Variants in MGA observed in about 807,000 individuals in gnomAD.
MGA encodes MAX gene-associated protein.
A neutral mutation model predicts 261.1 loss-of-function variants in MGA; 40 were observed. The ratio of observed to expected loss-of-function variants is 0.15; its 90% CI spans 0.12 to 0.20. MGA has a LOEUF of 0.20. MGA is among the 10% of genes least tolerant of loss of function. The probability of loss-of-function intolerance (pLI) is 1.00; values close to 1 mark genes in which losing one functional copy is unlikely to be tolerated. For synonymous variants in MGA, 1,302 were observed against 1,290.6 expected, an observed-to-expected ratio of 1.01 and a Z score of -0.19; for missense variants, 3,397 against 3,630.5, an observed-to-expected ratio of 0.94 and a Z score of 1.65.
intron 3 of MGA, among the ~76,000 whole-genome samples, chr15:41,698,007 T>A (rs183516969): frequency 6.8e-4 from 104 of 152,088 alleles, no homozygotes; most frequent in Non-Finnish European, 1.3e-3. Flanking sequence ...TAGCTGGGAC[T>A]ACAGGTGCTC....
rs140317259 is a variant in MGA at position 41,697,976 on chromosome 15, C to T, written c.2014-887C>T. ...CTCCGCCTCCTGTGTTCTTGCCATT[C>T]CCCTGCCTCAGACTCCCGAGTAGCT... On this transcript the variant is annotated intron_variant, in intron 3 of 23. Coordinates refer to ENST00000219905, the MANE Select transcript of MGA (RefSeq NM_001164273.2). Among the ~76,000 whole-genome samples the T allele has an allele frequency of 8.2e-3, 1,242 of 152,128 alleles. 14 individuals are homozygous for T. Among genetic ancestry groups the T allele is most frequent in the Non-Finnish European group, 0.014 (955 of 67,982 alleles).
chr15:41,700,041 G>GT (rs763919635), intron 5 of MGA, among the ~76,000 whole-genome samples: 2,796 of 101,508 alleles, frequency 0.028, 65 homozygotes, highest in Non-Finnish European at 0.029. Flanking sequence ...TGTCATCGAG[G>GT]TTTTTTTTTT....
chr15:41,625,647 A>G (rs1470247857), intron 1 of MGA, among the ~76,000 whole-genome samples: 2 of 152,104 alleles, frequency 1.3e-5, no homozygotes, highest in Admixed American at 1.3e-4. Context: ...CCAGAAGGTC[A>G]AGGCTACAGT....
rs530924623 is a variant in MGA at position 41,767,957 on chromosome 15, A to G, written c.*677A>G. The G allele has an allele frequency of 6.6e-6, 1 of 152,504 alleles. No individual in the cohort carries two copies. Among genetic ancestry groups the G allele is most frequent in the Non-Finnish European group, 1.5e-5 (1 of 68,048 alleles). The allele number at this position is 152,504 out of a possible 1,614,324, so 9.4% of individuals were successfully genotyped here. A position where few individuals can be genotyped will look rare whatever the true frequency, so the allele number is the denominator to read the frequency against. On this transcript the variant is annotated 3_prime_UTR_variant, in exon 24 of 24. Coordinates refer to ENST00000219905, the MANE Select transcript of MGA (RefSeq NM_001164273.2). Reference sequence around the variant, plus strand: ...AATTATTTTGAGATCTTAAAAAAATAGTAGTTCTCCCTTATTATTTTTGTG... The same window carrying G: ...AATTATTTTGAGATCTTAAAAAAATGGTAGTTCTCCCTTATTATTTTTGTG...
rs1035349894 is a variant in MGA at position 41,727,321 on chromosome 15, C to T, written c.3572C>T (p.Pro1191Leu). Reference sequence around the variant, plus strand: ...ATGAAACCATTGTTATTGCCTCAGCCAGAAGTTTTATCTCCTACTGTGAAG... The same window carrying T: ...ATGAAACCATTGTTATTGCCTCAGCTAGAAGTTTTATCTCCTACTGTGAAG... The change falls in exon 10 of 24, where the codon CCA becomes CTA. Residue 1191 changes from proline to leucine, a missense_variant. Physicochemically the swap from Pro to Leu is moderately conservative, Grantham distance 98. Around this residue, in one of 9 missense-constraint regions of MGA, gnomAD observed 519 missense variants for 554.1 expected, o/e 0.94. Coordinates refer to ENST00000219905, the MANE Select transcript of MGA (RefSeq NM_001164273.2). The T allele has an allele frequency of 6.2e-7, 1 of 1,613,948 alleles. No homozygotes were observed. The highest frequency in any genetic ancestry group is 8.5e-7 in the Non-Finnish European group (1 of 1,179,882).
chr15:41,762,965 C>A (rs929524583), intron 22 of MGA, among the ~76,000 whole-genome samples: 1 of 151,956 alleles, frequency 6.6e-6, no homozygotes, highest in African/African-American at 2.4e-5. Flanking sequence ...CAGACTTATA[C>A]TTGACTTCGT....
Position 41,752,934 on chromosome 15 carries a change from T to C in MGA, c.7009-1503T>C, listed in dbSNP as rs73407262. On this transcript the variant is annotated intron_variant, in intron 17 of 23. Coordinates refer to ENST00000219905, the MANE Select transcript of MGA (RefSeq NM_001164273.2). ...AATTTGACAAGCAAACAAGTTATAC[T>C]GACTTTTTTTTTAAAGGTCATATTA... 7.4e-3 allele frequency among the ~76,000 whole-genome samples: 1,123 copies of C among 152,342 alleles called. 18 individuals are homozygous for C. Among genetic ancestry groups the C allele is most frequent in the African/African-American group, 0.026 (1,082 of 41,560 alleles).
chr15:41,756,673 T>C (rs899621817), intron 18 of MGA, among the ~76,000 whole-genome samples: 1 of 152,246 alleles, frequency 6.6e-6, no homozygotes, highest in African/African-American at 2.4e-5. Flanking sequence ...CATTGTGGAA[T>C]ACTATATAAC....
chr15:41,656,193 A>G (rs181947800), upstream of MGA, among the ~76,000 whole-genome samples: 2 of 152,134 alleles, frequency 1.3e-5, no homozygotes, highest in Non-Finnish European at 1.5e-5. Flanking sequence ...AAGAAAATAC[A>G]TTTAAACTTA....
At chr15:41,738,553 T>C (rs929057771) in intron 13 of MGA, among the ~76,000 whole-genome samples, 3 of 152,224 alleles carry the variant, frequency 2.0e-5, no homozygotes, top group Non-Finnish European at 4.4e-5. Flanking sequence ...GATTGACACT[T>C]TGAAAACAGA....
intron 11 of MGA, among the ~76,000 whole-genome samples, chr15:41,731,729 C>G (rs906916369): frequency 6.6e-6 from 1 of 152,178 alleles, no homozygotes; most frequent in East Asian, 1.9e-4. Flanking sequence ...TAATTATACA[C>G]TATGCCATTT....
chr15:41,714,088 A>G (rs1486147737), intron 9 of MGA, among the ~76,000 whole-genome samples: 1 of 152,184 alleles, frequency 6.6e-6, no homozygotes, highest in African/African-American at 2.4e-5. Flanking sequence ...TTTTGTTCAA[A>G]TGTATTGAAA....
chr15:41,760,478 A>G lies in MGA; in HGVS notation c.7347A>G (p.Thr2449=). Residue 2449 remains threonine (T), a synonymous_variant, in exon 20 of 24, where the codon ACA becomes ACG. Transcript: ENST00000219905. ...ATCTCTTTGAGAAATTAAAGATCAC[A>G]TTGGGATTACTTCATTCTTCCAAGG... The G allele has an allele frequency of 5.6e-6, 9 of 1,614,050 alleles. No individual in the cohort carries two copies. The highest frequency in any genetic ancestry group is 7.6e-6 in the Non-Finnish European group (9 of 1,179,906).
intron 9 of MGA, among the ~76,000 whole-genome samples, chr15:41,721,923 C>T (rs975732425): frequency 1.3e-5 from 2 of 151,990 alleles, no homozygotes; most frequent in Non-Finnish European, 2.9e-5. Context: ...CTGAAAACAA[C>T]CCCAAATGTC....
intron 5 of MGA, among the ~76,000 whole-genome samples, chr15:41,703,740 A>T (rs556996637): frequency 6.6e-6 from 1 of 152,302 alleles, no homozygotes; most frequent in African/African-American, 2.4e-5. Context: ...AGACTGTCTC[A>T]AAAAATAAAA....
chr15:41,727,817 T>A (rs2061328434), intron 10 of MGA, among the ~76,000 whole-genome samples: 1 of 152,134 alleles, frequency 6.6e-6, no homozygotes, highest in South Asian at 2.1e-4. Context: ...CAGTAAAGTT[T>A]AAGATTTAAA....
In MGA at chr15:41,748,873, C is replaced by T. The variant is rs1408971806; in HGVS notation, c.5449C>T (p.Leu1817Phe). ...TGTCCAGCTTCTACCTTTGCATCAG[C>T]TTCGAGGCTCTAATACCCAGCCCAA... is the stretch of plus-strand genomic sequence containing the variant. The change falls in exon 16 of 24, where the codon CTT (leucine) becomes TTT (phenylalanine). Residue 1817 changes from leucine (L) to phenylalanine (F), a missense_variant. This residue lies in a region of MGA where 1,410 missense variants were observed against 1,386.4 expected (regional missense o/e 1.02). Transcript: ENST00000219905. 6.2e-7 allele frequency: 1 copy of T among 1,613,876 alleles called. No individual in the cohort carries two copies. Among genetic ancestry groups the T allele is most frequent in the Non-Finnish European group, 8.5e-7 (1 of 1,179,900 alleles).
intron 2 of MGA, among the ~76,000 whole-genome samples, chr15:41,683,053 G>A (rs2058757077): frequency 6.6e-6 from 1 of 152,142 alleles, no homozygotes; most frequent in South Asian, 2.1e-4. Flanking sequence ...CTTTGAAAAT[G>A]TGTTGTTGCC....
Position 41,749,305 on chromosome 15 carries a change from T to C in MGA, c.5698T>C (p.Leu1900=), listed in dbSNP as rs755621431. The change falls in exon 17 of 24, where the codon TTG becomes CTG. Residue 1900 remains leucine, a synonymous_variant. Transcript: ENST00000219905. ...TAGTTTTGTGTCTCAGGCTGGTACA[T>C]TGACCCTGAGGATTTCTCCTCCTGA... The C allele has an allele frequency of 9.9e-6, 16 of 1,613,996 alleles. No individual in the cohort carries two copies. Among genetic ancestry groups the C allele is most frequent in the Non-Finnish European group, 1.4e-5 (16 of 1,179,888 alleles).
Sources: allele counts gnomAD v4.1 joint callset (sites outside exome capture counted in the v4.1 genomes callset), GRCh38; gene constraint gnomAD v4.1.1; regional missense constraint gnomAD v4.1.1; transcripts MANE v1.5; gene names NCBI Gene and HGNC (gene_info 2026-07-23, HGNC 2026-07-21).